The following IMMP2L variants were observed in gnomAD, a reference collection of about 807,000 sequenced individuals.
The protein encoded by IMMP2L is mitochondrial inner membrane protease subunit 2.
A neutral mutation model predicts 19.3 loss-of-function variants in IMMP2L; 18 were observed. The observed-to-expected ratio is 0.93, with a 90% CI of 0.64 to 1.38. The LOEUF (loss-of-function observed/expected upper bound fraction) is 1.38, where lower values mean the gene tolerates loss of function less well. Ranked by LOEUF, IMMP2L falls within the 40% of genes most tolerant of loss-of-function variation. The probability of loss-of-function intolerance (pLI) is 0.00; values close to 1 mark genes in which losing one functional copy is unlikely to be tolerated. For missense variants in IMMP2L, 233 were observed against 218.2 expected, an observed-to-expected ratio of 1.07 and a Z score of -0.43; for synonymous variants, 76 against 73.0, an observed-to-expected ratio of 1.04 and a Z score of -0.21.
chr7:111,198,205 G>C (rs779759180), intron 3 of IMMP2L, among the ~76,000 whole-genome samples: 23 of 152,026 alleles, frequency 1.5e-4, no homozygotes, highest in Non-Finnish European at 2.9e-4. Context: ...AGAAAAAAAT[G>C]CTCTCTCTAG....
intron 4 of IMMP2L, among the ~76,000 whole-genome samples, chr7:110,926,661 T>C (rs990780904): frequency 2.0e-5 from 3 of 152,278 alleles, no homozygotes; most frequent in African/African-American, 7.2e-5. Flanking sequence ...ATTTGAAACC[T>C]GTATACTTGG....
intron 3 of IMMP2L, among the ~76,000 whole-genome samples, chr7:111,321,201 T>C (rs1157096019): frequency 6.6e-6 from 1 of 152,000 alleles, no homozygotes; most frequent in Non-Finnish European, 1.5e-5. Context: ...GACTTACCCT[T>C]ATTTGCTCCT....
chr7:110,686,341 GCT>G (rs1300778838), intron 5 of IMMP2L, among the ~76,000 whole-genome samples: 3 of 150,290 alleles, frequency 2.0e-5, no homozygotes, highest in Admixed American at 1.3e-4. Flanking sequence ...CTGTTTTTTT[GCT>G]CTCTTTATAT....
chr7:111,064,723 C>G (rs544703926), intron 3 of IMMP2L, among the ~76,000 whole-genome samples: 1 of 152,160 alleles, frequency 6.6e-6, no homozygotes, highest in Non-Finnish European at 1.5e-5. Flanking sequence ...GCCACCTGGA[C>G]ACCTTGGGCT....
At chr7:111,218,124 TA>T (rs1812148425) in intron 3 of IMMP2L, among the ~76,000 whole-genome samples, 1 of 152,134 alleles carries the variant, frequency 6.6e-6, no homozygotes, top group African/African-American at 2.4e-5. Context: ...ACTCTTTCCC[TA>T]TATATGAATT....
rs1180441488 is a variant in IMMP2L, at chr7:111,297,442, C to T, written c.239+189796G>A. 2.6e-5 allele frequency among the ~76,000 whole-genome samples: 4 copies of T among 152,060 alleles called. 1 individual carries two copies. The highest frequency in any genetic ancestry group is 4.4e-5 in the Non-Finnish European group (3 of 67,984). On this transcript the variant is annotated intron_variant, in intron 3 of 5. Coordinates refer to ENST00000405709, the MANE Select transcript of IMMP2L (RefSeq NM_032549.4). Reference sequence around the variant, plus strand: ...AAGTGTTGTCAAGAATGTGAAGGAACTCAAACTCTTATTTGTTACTGGTGA... The same window carrying T: ...AAGTGTTGTCAAGAATGTGAAGGAATTCAAACTCTTATTTGTTACTGGTGA...
chr7:111,309,706 G>A (rs1823292022), intron 3 of IMMP2L, among the ~76,000 whole-genome samples: 2 of 152,026 alleles, frequency 1.3e-5, no homozygotes, highest in African/African-American at 4.8e-5. Context: ...TAAGAATGCA[G>A]ACAACAAATC....
At chr7:111,141,989 C>A (rs1562846165) in intron 3 of IMMP2L, among the ~76,000 whole-genome samples, 2 of 152,258 alleles carry the variant, frequency 1.3e-5, no homozygotes, top group South Asian at 2.1e-4. Flanking sequence ...CAGGCATGAG[C>A]CACTGTGCCT....
At chr7:111,477,039 T>C (rs985366117) in intron 3 of IMMP2L, among the ~76,000 whole-genome samples, 5 of 152,356 alleles carry the variant, frequency 3.3e-5, no homozygotes, top group African/African-American at 1.2e-4. Context: ...TGGAATCTGC[T>C]TGGAAACCAA....
intron 3 of IMMP2L, among the ~76,000 whole-genome samples, chr7:111,045,633 C>A (rs1433332139): frequency 1.3e-5 from 2 of 152,090 alleles, no homozygotes; most frequent in Non-Finnish European, 2.9e-5. Context: ...CAGAGTGATG[C>A]AATATAAGAC....
At chr7:111,204,286 A>G (rs1376505442) in intron 3 of IMMP2L, among the ~76,000 whole-genome samples, 1 of 152,118 alleles carries the variant, frequency 6.6e-6, no homozygotes, top group Admixed American at 6.6e-5. Flanking sequence ...GCAATTTGGG[A>G]TCTGCTTCTG....
In IMMP2L at chr7:110,663,558, G is replaced by C; in HGVS notation, c.*44C>G. 1 of 1,602,078 alleles carries C rather than the reference G, an allele frequency of 6.2e-7. No individual in the cohort carries two copies. The highest frequency in any genetic ancestry group is 1.1e-5 in the South Asian group (1 of 90,500). On this transcript the variant is annotated 3_prime_UTR_variant, in exon 6 of 6. Transcript: ENST00000405709. Reference sequence around the variant, plus strand: ...GGCTTCTTTTTTCCATTCCTTTCCAGTAACTGGCCTCCCAATGCCAGCAAC... The same window carrying C: ...GGCTTCTTTTTTCCATTCCTTTCCACTAACTGGCCTCCCAATGCCAGCAAC...
intron 3 of IMMP2L, among the ~76,000 whole-genome samples, chr7:111,312,881 T>C (rs1467463064): frequency 6.6e-6 from 1 of 152,096 alleles, no homozygotes; most frequent in African/African-American, 2.4e-5. Context: ...CTATAGACAT[T>C]TCCAGAATAG....
intron 3 of IMMP2L, among the ~76,000 whole-genome samples, chr7:111,168,438 A>T: frequency 1.3e-5 from 2 of 152,030 alleles, no homozygotes; most frequent in East Asian, 3.9e-4. Flanking sequence ...AGCCAGTCTT[A>T]TAAGTTGAGA....
chr7:111,146,719 T>A (rs1217330899), intron 3 of IMMP2L, among the ~76,000 whole-genome samples: 1 of 152,094 alleles, frequency 6.6e-6, no homozygotes, highest in East Asian at 1.9e-4. Flanking sequence ...AAAATATTTA[T>A]TAAGTTAATG....
chr7:111,271,576 G>T (rs747897157), intron 3 of IMMP2L, among the ~76,000 whole-genome samples: 1 of 152,130 alleles, frequency 6.6e-6, no homozygotes, highest in African/African-American at 2.4e-5. Context: ...GTAGGTCAAG[G>T]TTGGGGCCTA....
intron 5 of IMMP2L, among the ~76,000 whole-genome samples, chr7:110,820,473 C>T (rs1802924654): frequency 6.6e-6 from 1 of 151,628 alleles, no homozygotes; most frequent in African/African-American, 2.4e-5. Flanking sequence ...GTTTTGTTTC[C>T]CATTGAATAC....
chr7:111,323,944 G>C (rs1454779377), intron 3 of IMMP2L, among the ~76,000 whole-genome samples: 3 of 152,026 alleles, frequency 2.0e-5, no homozygotes, highest in Non-Finnish European at 4.4e-5. Context: ...TGAACAATGA[G>C]AACACAGGGA....
rs1055280191 is a variant in IMMP2L at position 110,919,390 on chromosome 7, A to G, written c.306-32695T>C. ...AATAACCAGGATTTCAATATTAGAA[A>G]TCACAAATGAAACTTAGAAAGAGCA... On this transcript the variant is annotated intron_variant, in intron 4 of 5. Coordinates refer to ENST00000405709, the MANE Select transcript of IMMP2L (RefSeq NM_032549.4). Among the ~76,000 whole-genome samples, 11 of 152,184 alleles carry G rather than the reference A, an allele frequency of 7.2e-5. 2 individuals carry two copies. Among genetic ancestry groups the G allele is most frequent in the Admixed American group, 6.5e-4 (10 of 15,284 alleles).
Sources: allele counts gnomAD v4.1 joint callset (sites outside exome capture counted in the v4.1 genomes callset), GRCh38; gene constraint gnomAD v4.1.1; transcripts MANE v1.5; gene names NCBI Gene and HGNC (gene_info 2026-07-23, HGNC 2026-07-21).